Variants in HIVEP3 observed in about 807,000 individuals in gnomAD.
HIVEP3 encodes the protein transcription factor HIVEP3.
Under a neutral mutation model 152.8 loss-of-function variants are expected in HIVEP3, and 49 were observed. That is an observed-to-expected ratio of 0.32 (90% CI 0.26 to 0.41). HIVEP3 has a LOEUF of 0.41. Ranked by LOEUF, HIVEP3 falls within the 10% of genes least tolerant of loss-of-function variation. HIVEP3 has a pLI of 1.00. For missense variants in HIVEP3, 2,790 were observed against 3,103.3 expected (o/e 0.90, Z 2.40); for synonymous variants, 1,269 against 1,289.0 (o/e 0.98, Z 0.33).
intron 3 of HIVEP3, among the ~76,000 whole-genome samples, chr1:41,604,072 G>T (rs556457954): frequency 1.4e-4 from 22 of 152,240 alleles, no homozygotes. Flanking sequence ...AACTCTTCTT[G>T]TGCATTGTTA....
intron 1 of HIVEP3, among the ~76,000 whole-genome samples, chr1:41,783,437 A>G (rs976959750): frequency 3.3e-5 from 5 of 152,192 alleles, no homozygotes; most frequent in African/African-American, 4.8e-5. Context: ...TGCTACAATA[A>G]ATAACCTCTC....
chr1:41,813,625 A>G (rs956888573), intron 1 of HIVEP3, among the ~76,000 whole-genome samples: 3 of 152,222 alleles, frequency 2.0e-5, no homozygotes, highest in African/African-American at 7.2e-5. Flanking sequence ...TCTACGCCAA[A>G]GGGAGAAGGC....
At chr1:41,621,329 A>G (rs887798601) in intron 3 of HIVEP3, among the ~76,000 whole-genome samples, 1 of 152,224 alleles carries the variant, frequency 6.6e-6, no homozygotes, top group Admixed American at 6.5e-5. Context: ...ACACACATGG[A>G]GAAATTCTGG....
chr1:41,808,043 A>G (rs1275043412), intron 1 of HIVEP3, among the ~76,000 whole-genome samples: 1 of 152,202 alleles, frequency 6.6e-6, no homozygotes, highest in Admixed American at 6.5e-5. Context: ...ATCAACCACT[A>G]ACAGGGCATC....
intron 1 of HIVEP3, among the ~76,000 whole-genome samples, chr1:41,773,792 G>A (rs568591231): frequency 3.3e-5 from 5 of 152,224 alleles, no homozygotes; most frequent in Non-Finnish European, 7.3e-5. Context: ...CTGACTTCTG[G>A]TTAAGGGCTG....
At chr1:41,642,234 C>CCCCAAAT (rs1645384787) in intron 2 of HIVEP3, among the ~76,000 whole-genome samples, 1 of 152,220 alleles carries the variant, frequency 6.6e-6, no homozygotes, top group South Asian at 2.1e-4. Context: ...TCACTCCTCG[C>CCCCAAAT]CCCAAATCCC....
intron 1 of HIVEP3, among the ~76,000 whole-genome samples, chr1:42,015,268 C>T (rs901434857): frequency 2.6e-5 from 4 of 152,198 alleles, no homozygotes; most frequent in African/African-American, 9.7e-5. Context: ...TATAATGCAA[C>T]CCTCTGTTAG....
chr1:41,519,425 GA>G (rs1478474599), intron 6 of HIVEP3, among the ~76,000 whole-genome samples: 3 of 152,248 alleles, frequency 2.0e-5, no homozygotes. Context: ...AGCGTTCTAG[GA>G]AGGACAGGCA....
chr1:41,906,231 C>A (rs951603509), intron 1 of HIVEP3, among the ~76,000 whole-genome samples: 22 of 151,990 alleles, frequency 1.4e-4, no homozygotes, highest in African/African-American at 2.2e-4. Context: ...ATCACTTGAA[C>A]CTGGGAGGTG....
At chr1:41,827,567 C>CT (rs1337316453) in intron 1 of HIVEP3, among the ~76,000 whole-genome samples, 2 of 152,206 alleles carry the variant, frequency 1.3e-5, no homozygotes, top group Non-Finnish European at 2.9e-5. Flanking sequence ...CCACTTTCCC[C>CT]TCCCCCATCC....
Position 41,582,804 on chromosome 1 carries a change from T to C in HIVEP3, c.1994A>G (p.Tyr665Cys), listed in dbSNP as rs745880621. The change falls in exon 4 of 9, where the codon TAC becomes TGC. Residue 665 changes from tyrosine to cysteine, a missense_variant. Tyr to Cys is a radical substitution (Grantham distance 194). This residue lies in a region of HIVEP3 where 339 missense variants were observed against 327.0 expected (regional missense o/e 1.04). Coordinates refer to ENST00000372583, the MANE Select transcript of HIVEP3 (RefSeq NM_024503.5). The surrounding 1 kb of genome is among the most constrained non-coding windows in gnomAD (Gnocchi z 4.7). Reference sequence around the variant, plus strand: ...CTTTGCGATCTGAAGCTCTGAGCAGTAGTATTTTTTGTGGGCTTCGTAGTT... The same window carrying C: ...CTTTGCGATCTGAAGCTCTGAGCAGCAGTATTTTTTGTGGGCTTCGTAGTT... Reference protein sequence around the residue: ...RDNYEAHKKYYCSELQIAKPI... With the variant: ...RDNYEAHKKYCCSELQIAKPI... 3.1e-6 allele frequency: 5 copies of C among 1,614,024 alleles called. No individual in the cohort carries two copies. The highest frequency in any genetic ancestry group is 4.2e-6 in the Non-Finnish European group (5 of 1,180,018).
At chr1:42,005,403 T>C (rs925673559) in intron 1 of HIVEP3, among the ~76,000 whole-genome samples, 2 of 152,182 alleles carry the variant, frequency 1.3e-5, no homozygotes, top group Non-Finnish European at 2.9e-5. Context: ...TGTATATATA[T>C]ACACACATAT....
intron 7 of HIVEP3, among the ~76,000 whole-genome samples, chr1:41,515,088 G>C (rs1642566292): frequency 1.3e-5 from 2 of 152,318 alleles, no homozygotes; most frequent in Admixed American, 1.3e-4. Context: ...TGCAGAGTGA[G>C]GTTGCTGACA....
intron 1 of HIVEP3, among the ~76,000 whole-genome samples, chr1:41,877,314 T>C: frequency 6.6e-6 from 1 of 152,214 alleles, no homozygotes; most frequent in Non-Finnish European, 1.5e-5. Context: ...AGGCTGCTGC[T>C]GTCACTCAGC....
intron 2 of HIVEP3, among the ~76,000 whole-genome samples, chr1:41,681,764 T>G (rs1181047986): frequency 6.6e-6 from 1 of 152,174 alleles, no homozygotes; most frequent in Non-Finnish European, 1.5e-5. Flanking sequence ...GAGGGAAACC[T>G]TGTGTTCAGC....
chr1:42,023,682 T>C (rs1433737765), intron 1 of HIVEP3, among the ~76,000 whole-genome samples: 1 of 152,154 alleles, frequency 6.6e-6, no homozygotes, highest in Non-Finnish European at 1.5e-5. Context: ...ACTTGGGCTC[T>C]GTGACATGCC....
At chr1:41,639,357 C>T (rs2149156133) in intron 2 of HIVEP3, among the ~76,000 whole-genome samples, 1 of 152,236 alleles carries the variant, frequency 6.6e-6, no homozygotes, top group African/African-American at 2.4e-5. Flanking sequence ...GCGAGTTGGC[C>T]TTAACATCAT....
In HIVEP3 at chr1:41,918,143, C is replaced by G. The variant is rs11588703; in HGVS notation, c.-801+270G>C. Among the ~76,000 whole-genome samples the G allele has an allele frequency of 0.15, 22,698 of 152,182 alleles. 1,820 individuals carry two copies. The highest frequency in any genetic ancestry group is 0.24 in the Admixed American group (3,611 of 15,302). ...CGCCGCCGCCGCCGCCTGTGATTGA[C>G]GCGCGGGGGTCACTTGAGGCTCGCG... On this transcript the variant is annotated intron_variant, in intron 1 of 8. Transcript: ENST00000372583. The surrounding 1 kb of genome is among the most constrained non-coding windows in gnomAD (Gnocchi z 4.3).
chr1:41,908,056 AAAAACAAAAC>A (rs892463203), intron 1 of HIVEP3, among the ~76,000 whole-genome samples: 20 of 152,190 alleles, frequency 1.3e-4, no homozygotes, highest in Non-Finnish European at 2.9e-5. Context: ...AGAAATAAGC[AAAAACAAAAC>A]AAAACAAAAC....
Sources: gnomAD v4.1 joint callset for allele counts (sites outside exome capture counted in the v4.1 genomes callset) on GRCh38, gnomAD v4.1.1 for gene constraint, gnomAD v4.1.1 regional missense constraint, Gnocchi (gnomAD v3.1) non-coding constraint, MANE v1.5 for transcripts, NCBI Gene and HGNC (gene_info 2026-07-23, HGNC 2026-07-21) for gene names.